Variants in FCRL5 observed in about 807,000 individuals in gnomAD.
The protein encoded by FCRL5 is Fc receptor-like protein 5.
Under a neutral mutation model 92.1 loss-of-function variants are expected in FCRL5, and 79 were observed. That is an observed-to-expected ratio of 0.86 (90% CI 0.72 to 1.03). FCRL5 has a LOEUF of 1.03. Among genes scored for constraint, FCRL5 ranks in the 50% least tolerant of loss-of-function variants. The pLI is 0.00. For synonymous variants in FCRL5, 466 were observed against 469.3 expected, an observed-to-expected ratio of 0.99 and a Z score of 0.09; for missense variants, 1,160 against 1,181.1, an observed-to-expected ratio of 0.98 and a Z score of 0.26.
In FCRL5 at chr1:157,518,699, C is replaced by A. The variant is rs953904039; in HGVS notation, c.2743+1G>T. The A allele has an allele frequency of 6.2e-7, 1 of 1,610,806 alleles. No homozygotes were observed. Among genetic ancestry groups the A allele is most frequent in the Non-Finnish European group, 8.5e-7 (1 of 1,178,872 alleles). ...CCAAATGCAGGATCCTCGGGCCTCA[C>A]CATTAGTGTACACTGGTTGCAGCTC... On this transcript the variant is annotated splice_donor_variant, in intron 14 of 16. Coordinates refer to ENST00000361835, the MANE Select transcript of FCRL5 (RefSeq NM_031281.3). LOFTEE classifies it high-confidence loss of function.
In FCRL5 at chr1:157,544,434, G is replaced by A; in HGVS notation, c.672C>T (p.Leu224=). 6.2e-7 allele frequency: 1 copy of A among 1,614,226 alleles called. No individual in the cohort carries two copies. Among genetic ancestry groups the A allele is most frequent in the Non-Finnish European group, 8.5e-7 (1 of 1,180,046 alleles). ...GGTCATCTCTGAAGAAGCGGAACCG[G>A]AGCGGGACATCTGACCTCTCTAGAG... ...QLSLERSDVP[L]RFRFFRDDQT... The change falls in exon 5 of 17, where the codon CTC becomes CTT. Residue 224 remains leucine, a synonymous_variant. Transcript: ENST00000361835.
At position 157,520,499 on chromosome 1, in the gene FCRL5, C is replaced by T. The variant is rs748696581; in HGVS notation, c.2564G>A (p.Gly855Asp). ...AGCAAGGCCTGCTATGCTGAGCAGG[C>T]CCCCGGCGACTCCTGTGGCAAAAGG... is the stretch of plus-strand genomic sequence containing the variant. ...SGPFATGVAGGLLSIAGLAAG... is the reference protein window; with the variant it reads ...SGPFATGVAGDLLSIAGLAAG... The change falls in exon 12 of 17, where the codon GGC (glycine) becomes GAC (aspartate). Residue 855 changes from glycine (G) to aspartate (D), a missense_variant. Physicochemically the swap from Gly to Asp is moderately conservative, Grantham distance 94. Coordinates refer to ENST00000361835, the MANE Select transcript of FCRL5 (RefSeq NM_031281.3). The T allele has an allele frequency of 3.8e-6, 6 of 1,574,998 alleles. No homozygotes were observed. In the South Asian group the frequency reaches 4.7e-5, roughly 12 times the overall value.
rs772540578 is a variant in FCRL5, at chr1:157,544,425, G to T, written c.681C>A (p.Arg227=). The stretch of plus-strand genomic sequence containing the variant: ...CCAGGGTCTGGTCATCTCTGAAGAA[G>T]CGGAACCGGAGCGGGACATCTGACC... ...LERSDVPLRF[R]FFRDDQTLGL... The change falls in exon 5 of 17, where the codon CGC becomes CGA. Residue 227 remains arginine (R), a synonymous_variant. Coordinates refer to ENST00000361835, the MANE Select transcript of FCRL5 (RefSeq NM_031281.3). The T allele has an allele frequency of 6.2e-7, 1 of 1,614,256 alleles. No individual in the cohort carries two copies. Among genetic ancestry groups the T allele is most frequent in the Non-Finnish European group, 8.5e-7 (1 of 1,180,052 alleles).
chr1:157,538,660 A>G (rs1029318737), intron 7 of FCRL5, among the ~76,000 whole-genome samples: 6 of 152,212 alleles, frequency 3.9e-5, no homozygotes, highest in Non-Finnish European at 8.8e-5. Flanking sequence ...TGTGTCTTAC[A>G]TGACTTTGCA....
chr1:157,529,615 G>C (rs371536784), intron 8 of FCRL5, among the ~76,000 whole-genome samples: 1 of 144,688 alleles, frequency 6.9e-6, no homozygotes, highest in African/African-American at 2.5e-5. Flanking sequence ...GTGTGTGTGT[G>C]TACACTATGG....
chr1:157,527,146 G>A (rs1028595312), intron 9 of FCRL5, among the ~76,000 whole-genome samples: 3 of 152,194 alleles, frequency 2.0e-5, no homozygotes, highest in Non-Finnish European at 4.4e-5. Flanking sequence ...CTTCTAACAA[G>A]GGTCTTGGGT....
intron 3 of FCRL5, among the ~76,000 whole-genome samples, chr1:157,545,356 C>T (rs1346400069): frequency 6.6e-6 from 1 of 152,054 alleles, no homozygotes; most frequent in Non-Finnish European, 1.5e-5. Context: ...ACTTGGAGCT[C>T]ATGCGTATTT....
At chr1:157,541,656 A>G (rs1195853452) in intron 6 of FCRL5, among the ~76,000 whole-genome samples, 1 of 152,192 alleles carries the variant, frequency 6.6e-6, no homozygotes, top group Non-Finnish European at 1.5e-5. Flanking sequence ...TCAGATTGGC[A>G]TGCCTTTCCA....
intron 10 of FCRL5, chr1:157,521,527 A>G (rs936851381): frequency 6.6e-6 from 3 of 455,502 alleles, no homozygotes; most frequent in Admixed American, 7.8e-5. Context: ...CAATAAATAT[A>G]TACAGAGATT....
In FCRL5 at chr1:157,515,724, G is replaced by T. The variant is rs773083258; in HGVS notation, c.2885C>A (p.Thr962Asn). The T allele has an allele frequency of 1.9e-6, 3 of 1,607,342 alleles. No individual in the cohort carries two copies. Among genetic ancestry groups the T allele is most frequent in the Non-Finnish European group, 1.7e-6 (2 of 1,176,340 alleles). ...IIYSEVKVAS[T>N]PVSGSLFLAS... Reference sequence around the variant, plus strand: ...CAAGAACAGGGATCCGGAAACCGGGGTTGACGCCACCTTAACTTCAGAGTA... The same window carrying T: ...CAAGAACAGGGATCCGGAAACCGGGTTTGACGCCACCTTAACTTCAGAGTA... The change falls in exon 17 of 17, where the codon ACC becomes AAC. Residue 962 changes from threonine to asparagine, a missense_variant. Physicochemically the swap from Thr to Asn is moderately conservative, Grantham distance 65. Coordinates refer to ENST00000361835, the MANE Select transcript of FCRL5 (RefSeq NM_031281.3).
intron 10 of FCRL5, among the ~76,000 whole-genome samples, chr1:157,522,993 G>A (rs762671385): frequency 6.6e-6 from 1 of 152,206 alleles, no homozygotes; most frequent in African/African-American, 2.4e-5. Context: ...GGTTGGTGCT[G>A]CTGGTGGGGG....
intron 7 of FCRL5, 35 bp downstream of exon 7, chr1:157,539,051 C>T: frequency 6.2e-7 from 1 of 1,601,798 alleles, no homozygotes; most frequent in Non-Finnish European, 8.5e-7. Context: ...GACTCTTGGC[C>T]AGGGGTGGGT....
At chr1:157,516,291 A>T (rs2101588362) in intron 15 of FCRL5, among the ~76,000 whole-genome samples, 1 of 152,140 alleles carries the variant, frequency 6.6e-6, no homozygotes, top group Middle Eastern at 3.4e-3. Flanking sequence ...TGGTTGGGGG[A>T]AGTCACTCAA....
chr1:157,520,532 C>T lies in FCRL5; in HGVS notation c.2531G>A (p.Arg844Lys). The stretch of plus-strand genomic sequence containing the variant: ...GACTCCTGTGGCAAAAGGGCCACTT[C>T]TGTTCGCGGTCAGCCCTGAGGGGGA... ...TLYITGLTAN[R>K]SGPFATGVAG... The change falls in exon 12 of 17, where the codon AGA (arginine) becomes AAA (lysine). Residue 844 changes from arginine (R) to lysine (K), a missense_variant. Coordinates refer to ENST00000361835, the MANE Select transcript of FCRL5 (RefSeq NM_031281.3). 2.5e-6 allele frequency: 4 copies of T among 1,583,376 alleles called. No homozygotes were observed. Among genetic ancestry groups the T allele is most frequent in the Non-Finnish European group, 3.4e-6 (4 of 1,164,892 alleles).
intron 7 of FCRL5, among the ~76,000 whole-genome samples, chr1:157,537,462 T>C (rs540066123): frequency 2.0e-5 from 3 of 152,204 alleles, no homozygotes; most frequent in Non-Finnish European, 4.4e-5. Context: ...CCTGATAAGA[T>C]GTTATCAATG....
chr1:157,534,110 G>A (rs1471908232), intron 8 of FCRL5: 1 of 306,964 alleles, frequency 3.3e-6, no homozygotes, highest in Non-Finnish European at 6.3e-6. Context: ...GATTTTAGCA[G>A]GTTAGAAAAC....
At chr1:157,524,864 A>G (rs1282030927) in intron 9 of FCRL5, among the ~76,000 whole-genome samples, 1 of 152,206 alleles carries the variant, frequency 6.6e-6, no homozygotes, top group South Asian at 2.1e-4. Flanking sequence ...TCAACAGAAA[A>G]TGAAGAACAG....
chr1:157,546,072 T>G (rs1203424614), intron 3 of FCRL5: 2 of 212,234 alleles, frequency 9.4e-6, no homozygotes, highest in Admixed American at 1.1e-4. Context: ...CTCTGTATAT[T>G]TATCTACCTA....
At chr1:157,520,323 G>A (rs1485216640) in intron 12 of FCRL5, 108 bp downstream of exon 12, 2 of 748,214 alleles carry the variant, frequency 2.7e-6, no homozygotes, top group East Asian at 2.7e-5. Flanking sequence ...GGGACAGAGC[G>A]GATGAGCTCT....
Sources: gnomAD v4.1 joint callset for allele counts (sites outside exome capture counted in the v4.1 genomes callset) on GRCh38, gnomAD v4.1.1 for gene constraint, MANE v1.5 for transcripts, NCBI Gene and HGNC (gene_info 2026-07-23, HGNC 2026-07-21) for gene names.